MYO15A: variants seen among roughly 807,000 people sequenced by gnomAD.
MYO15A encodes myosin XVA, also known as unconventional myosin-XV.
Under a neutral mutation model 394.6 loss-of-function variants are expected in MYO15A, and 308 were observed. The ratio of observed to expected loss-of-function variants is 0.78; its 90% CI spans 0.71 to 0.86. The LOEUF is 0.86. Among genes scored for constraint, MYO15A ranks in the 40% least tolerant of loss-of-function variants. The pLI is 0.00. For synonymous variants in MYO15A, 1,957 were observed against 2,003.8 expected (o/e 0.98, Z 0.62); for missense variants, 4,606 against 4,799.1 (o/e 0.96, Z 1.19).
rs745542875 is a variant in MYO15A, at chr17:18,162,686, A to G, written c.9612+7A>G. 14 of 1,613,518 alleles carry G rather than the reference A, an allele frequency of 8.7e-6. 2 individuals carry two copies. In the South Asian group the frequency reaches 1.5e-4, roughly 18 times the overall value. ...AGAGCTTCGGGCCATGTTGGTGAGC[A>G]TAGGGTGGGAGTGGGTTCAAAATGA... On this transcript the variant is annotated splice_region_variant and intron_variant, in intron 58 of 65. Transcript: ENST00000647165.
chr17:18,145,549 A>C (rs191875671), intron 29 of MYO15A, among the ~76,000 whole-genome samples: 1 of 152,144 alleles, frequency 6.6e-6, no homozygotes, highest in African/African-American at 2.4e-5. Context: ...CGCTGTCTCT[A>C]CTAAAAATAC....
At position 18,149,764 on chromosome 17, in the gene MYO15A, T is replaced by C. The variant is rs892794143; in HGVS notation, c.7212+184T>C. On this transcript the variant is annotated intron_variant, in intron 35 of 65. Transcript: ENST00000647165. ...GGTCTCTTCACAGCTAGAGATGCTCTTGGCTGATCCTGGAAGGACCCACAG... is the reference window on the plus strand; with the variant it reads ...GGTCTCTTCACAGCTAGAGATGCTCCTGGCTGATCCTGGAAGGACCCACAG... 4.0e-5 allele frequency: 27 copies of C among 679,270 alleles called. No homozygotes were observed. The African/African-American group carries it at 4.6e-4, about 12-fold the overall frequency. 42.1% of individuals were successfully genotyped at this position (679,270 alleles called of 1,614,324 possible). A position where few individuals can be genotyped will look rare whatever the true frequency, so the allele number is the denominator to read the frequency against.
In MYO15A at chr17:18,139,560, C is replaced by T. The variant is rs769283348; in HGVS notation, c.5160C>T (p.His1720=). ...TGCACAAGTTCCTGGACAAGAACCACGACCAAGTGCGCCAGGATGTGCTGG... is the reference window on the plus strand; with the variant it reads ...TGCACAAGTTCCTGGACAAGAACCATGACCAAGTGCGCCAGGATGTGCTGG... The part of the protein sequence containing the change: ...YQVHKFLDKN[H]DQVRQDVLDL... Residue 1720 remains histidine (H), a synonymous_variant, in exon 19 of 66, where the codon CAC becomes CAT. Coordinates refer to ENST00000647165, the MANE Select transcript of MYO15A (RefSeq NM_016239.4). 39 of 1,613,956 alleles carry T rather than the reference C, an allele frequency of 2.4e-5. No homozygotes were observed. Among genetic ancestry groups the T allele is most frequent in the South Asian group, 7.7e-5 (7 of 91,070 alleles).
At chr17:18,139,913 C>G (rs2046348684) in intron 19 of MYO15A, among the ~76,000 whole-genome samples, 1 of 152,254 alleles carries the variant, frequency 6.6e-6, no homozygotes, top group African/African-American at 2.4e-5. Context: ...TTGCCCTGTA[C>G]TTACCCCACT....
Position 18,125,204 on chromosome 17 carries a change from G to T in MYO15A, c.3729G>T (p.Lys1243Asn), listed in dbSNP as rs758778507. ...AAACCACTGTGCTGTCCAACCTCAAGATTAGATTTGAACGGAACCTCATCT... is the reference window on the plus strand; with the variant it reads ...AAACCACTGTGCTGTCCAACCTCAATATTAGATTTGAACGGAACCTCATCT... ...LQETTVLSNLKIRFERNLIYT... is the reference protein window; with the variant it reads ...LQETTVLSNLNIRFERNLIYT... Residue 1243 changes from lysine (K) to asparagine (N), a missense_variant, in exon 4 of 66, where the codon AAG becomes AAT. Lys to Asn is a moderately conservative substitution (Grantham distance 94). Transcript: ENST00000647165. The T allele has an allele frequency of 6.2e-7, 1 of 1,614,162 alleles. No individual in the cohort carries two copies. Among genetic ancestry groups the T allele is most frequent in the Admixed American group, 1.7e-5 (1 of 60,030 alleles).
In MYO15A at chr17:18,133,338, C is replaced by G; in HGVS notation, c.4434C>G (p.Ile1478Met). The G allele has an allele frequency of 6.2e-7, 1 of 1,614,224 alleles. No individual in the cohort carries two copies. Among genetic ancestry groups the G allele is most frequent in the Non-Finnish European group, 8.5e-7 (1 of 1,180,046 alleles). The change falls in exon 12 of 66, where the codon ATC becomes ATG. Residue 1478 changes from isoleucine (I) to methionine (M), a missense_variant. Ile to Met is a conservative substitution (Grantham distance 10). Transcript: ENST00000647165. ...AGGACCAGGACAGCATCTTCCGCAT[C>G]CTGGCCTCCATCCTGCACCTGGGCA... ...SSEDQDSIFR[I>M]LASILHLGNV...
chr17:18,137,972 A>T, intron 16 of MYO15A, 143 bp from the exon 17 acceptor site: 1 of 1,178,762 alleles, frequency 8.5e-7, no homozygotes. Context: ...ATGCTGCCTT[A>T]TTAGGGGGTG....
At position 18,167,670 on chromosome 17, in the gene MYO15A, C is replaced by T. The variant is rs1180353996; in HGVS notation, c.10029C>T (p.Ser3343=). The change falls in exon 62 of 66, where the codon TCC becomes TCT. Residue 3343 remains serine, a synonymous_variant. Transcript: ENST00000647165. ...GCGAGCAGCTGCTGCAGCAGGTGTC[C>T]AAGCTGGCTTCACTGCAGCATCGCG... ...RPSEQLLQQV[S]KLASLQHRAK... is the part of the protein sequence containing the mutation. 1.2e-6 allele frequency: 2 copies of T among 1,604,558 alleles called. No individual in the cohort carries two copies. The highest frequency in any genetic ancestry group is 1.7e-5 in the Admixed American group (1 of 60,014).
chr17:18,155,284 A>G (rs2142381788), intron 46 of MYO15A, 30 bp from the exon 47 acceptor site: 1 of 1,613,650 alleles, frequency 6.2e-7, no homozygotes, highest in South Asian at 1.1e-5. Flanking sequence ...AGACAAGAGG[A>G]TCCTCACACG....
chr17:18,121,717 TC>T lies in MYO15A; in HGVS notation c.2922del (p.Thr975ProfsTer11). On this transcript the variant is annotated frameshift_variant, in exon 2 of 66. Coordinates refer to ENST00000647165, the MANE Select transcript of MYO15A (RefSeq NM_016239.4). LOFTEE classifies it high-confidence loss of function. The surrounding 1 kb of genome is among the most constrained non-coding windows in gnomAD (Gnocchi z 5.3). ...TCTCCAGCTCCTGGGCCCTGTGCCATCCCCCACCCTCCAGCCTGAGGATCCA... is the reference window on the plus strand; with the variant it reads ...TCTCCAGCTCCTGGGCCCTGTGCCATCCCCACCCTCCAGCCTGAGGATCCA... ...PFLQLLGPVP[S>X]PTLQPEDPAA... is the part of the protein sequence containing the mutation. The T allele has an allele frequency of 6.3e-7, 1 of 1,595,874 alleles. No homozygotes were observed. Among genetic ancestry groups the T allele is most frequent in the Non-Finnish European group, 8.5e-7 (1 of 1,170,550 alleles).
rs371281204 is a variant in MYO15A at position 18,124,636 on chromosome 17, T to A, written c.3692+71T>A. On this transcript the variant is annotated intron_variant, in intron 3 of 65. Coordinates refer to ENST00000647165, the MANE Select transcript of MYO15A (RefSeq NM_016239.4). ...TCCCCACCCTCCCAGCCAGAGCAGCTCCTCCTGCAGTTGCCTCTCACCTCC... is the reference window on the plus strand; with the variant it reads ...TCCCCACCCTCCCAGCCAGAGCAGCACCTCCTGCAGTTGCCTCTCACCTCC... The A allele has an allele frequency of 1.8e-5, 26 of 1,473,574 alleles. No homozygotes were observed. The African/African-American group carries it at 2.2e-4, about 13-fold the overall frequency. 91.3% of individuals were successfully genotyped at this position (1,473,574 alleles called of 1,614,324 possible).
chr17:18,130,868 G>GTC (rs1555542239), intron 8 of MYO15A, 58 bp downstream of exon 8: 50 of 1,446,202 alleles, frequency 3.5e-5, no homozygotes, highest in African/African-American at 3.4e-4. Flanking sequence ...GTGTGTGTGT[G>GTC]TGTCTGTCCA....
chr17:18,158,622 C>T lies in MYO15A; in HGVS notation c.9067C>T (p.Pro3023Ser), dbSNP rs746127887. 1.7e-5 allele frequency: 27 copies of T among 1,614,180 alleles called. No individual in the cohort carries two copies. In the East Asian group the frequency reaches 5.8e-4, roughly 35 times the overall value. Residue 3023 changes from proline to serine, a missense_variant, in exon 52 of 66, where the codon CCT becomes TCT. This residue lies in a region of MYO15A where 2,776 missense variants were observed against 3,109.3 expected (regional missense o/e 0.89). Coordinates refer to ENST00000647165, the MANE Select transcript of MYO15A (RefSeq NM_016239.4). ...LEFAQKYFRDPQRRPQDGLRL... is the reference protein window; with the variant it reads ...LEFAQKYFRDSQRRPQDGLRL... The stretch of plus-strand genomic sequence containing the variant: ...GTTTGCCCAGAAGTATTTCCGAGAC[C>T]CTCAGAGGAGACCCCAGTGAGTGGC...
chr17:18,114,267 T>TTTTTTTTTTG (rs879237595), intron 1 of MYO15A, among the ~76,000 whole-genome samples: 3 of 105,022 alleles, frequency 2.9e-5, no homozygotes, highest in Non-Finnish European at 3.6e-5. Context: ...TTTTTTTTTT[T>TTTTTTTTTTG]GAGACGGAGT....
At chr17:18,140,167 C>T (rs1254193458) in intron 19 of MYO15A, among the ~76,000 whole-genome samples, 4 of 152,226 alleles carry the variant, frequency 2.6e-5, no homozygotes, top group South Asian at 2.1e-4. Flanking sequence ...CCCTATCTGG[C>T]CCTCCGCTTC....
In MYO15A at chr17:18,148,066, G is replaced by C. The variant is rs2046510459; in HGVS notation, c.6547G>C (p.Val2183Leu). 4 of 1,613,840 alleles carry C rather than the reference G, an allele frequency of 2.5e-6. No individual in the cohort carries two copies. The highest frequency in any genetic ancestry group is 1.3e-5 in the African/African-American group (1 of 74,938). The change falls in exon 31 of 66, where the codon GTG becomes CTG. Residue 2183 changes from valine (V) to leucine (L), a missense_variant. Transcript: ENST00000647165. This position sits in a 1 kb window ranked among gnomAD's most constrained non-coding sequence, Gnocchi z 4.8. ...SDYGRNGFQAVCQHRLMQAMG... is the reference protein window; with the variant it reads ...SDYGRNGFQALCQHRLMQAMG... Reference sequence around the variant, plus strand: ...TTATGGGCGGAATGGCTTCCAGGCTGTGTGTCAGCACCGCCTCATGCAGGC... The same window carrying C: ...TTATGGGCGGAATGGCTTCCAGGCTCTGTGTCAGCACCGCCTCATGCAGGC...
chr17:18,170,891 T>C (rs1409777518), intron 62 of MYO15A, among the ~76,000 whole-genome samples: 2 of 152,182 alleles, frequency 1.3e-5, no homozygotes, highest in African/African-American at 2.4e-5. Context: ...AGCCAGCTAA[T>C]GGTGGGGGAA....
chr17:18,131,835 C>G (rs933999322), intron 10 of MYO15A, among the ~76,000 whole-genome samples: 10 of 152,080 alleles, frequency 6.6e-5, no homozygotes, highest in African/African-American at 2.4e-4. Context: ...CTCCAAGTCT[C>G]CCCTACAATT....
At chr17:18,113,626 G>T (rs1352832652) in intron 1 of MYO15A, among the ~76,000 whole-genome samples, 1 of 151,906 alleles carries the variant, frequency 6.6e-6, no homozygotes, top group Non-Finnish European at 1.5e-5. Flanking sequence ...AGGCATGGTG[G>T]TGCATGCCTG....
Sources: gnomAD v4.1 joint callset for allele counts (sites outside exome capture counted in the v4.1 genomes callset) on GRCh38, gnomAD v4.1.1 for gene constraint, gnomAD v4.1.1 regional missense constraint, Gnocchi (gnomAD v3.1) non-coding constraint, MANE v1.5 for transcripts, NCBI Gene and HGNC (gene_info 2026-07-23, HGNC 2026-07-21) for gene names.